ARHGAP23: variants seen among roughly 807,000 people sequenced by gnomAD.
The protein encoded by ARHGAP23 is Rho GTPase activating protein 23, also known as rho GTPase-activating protein 23.
In ARHGAP23, 34 loss-of-function variants were observed where a neutral mutation model predicts 136.3. The observed-to-expected ratio is 0.25, with a 90% CI of 0.19 to 0.33. The LOEUF (loss-of-function observed/expected upper bound fraction) is 0.33, where lower values mean the gene tolerates loss of function less well. Ranked by LOEUF, ARHGAP23 falls within the 10% of genes least tolerant of loss-of-function variation. The pLI is 1.00. For missense variants in ARHGAP23, 1,808 were observed against 2,139.0 expected, an observed-to-expected ratio of 0.85 and a Z score of 3.05; for synonymous variants, 832 against 920.5, an observed-to-expected ratio of 0.90 and a Z score of 1.74.
intron 6 of ARHGAP23, among the ~76,000 whole-genome samples, chr17:38,464,949 A>T (rs2039550250): frequency 2.0e-5 from 3 of 151,898 alleles, no homozygotes; most frequent in Admixed American, 1.3e-4. Flanking sequence ...GCCCCTCCAC[A>T]CCCATCCTCT....
rs1205904485 is a variant in ARHGAP23 at position 38,512,193 on chromosome 17, A to G, written c.*1221A>G. On this transcript the variant is annotated 3_prime_UTR_variant, in exon 24 of 24. Coordinates refer to ENST00000622683, the MANE Select transcript of ARHGAP23 (RefSeq NM_001199417.2). ...AACATATTATAAAGAATTTATAAGG[A>G]TTTTTAAAGATGTTTTGCTCATTTA... 6.6e-6 allele frequency: 1 copy of G among 152,188 alleles called. No homozygotes were observed. The highest frequency in any genetic ancestry group is 2.4e-5 in the African/African-American group (1 of 41,432). 9.4% of individuals were successfully genotyped at this position (152,188 alleles called of 1,614,324 possible).
Position 38,482,290 on chromosome 17 carries a change from C to T in ARHGAP23, c.2751+147C>T, listed in dbSNP as rs1490750458. On this transcript the variant is annotated intron_variant, in intron 15 of 23. Transcript: ENST00000622683. The stretch of plus-strand genomic sequence containing the variant: ...AGCCCAGAGAGGGGAAGGCCCCCGC[C>T]TGCCCCGGGCCTCCCAGGGAGGGAG... 12 of 1,399,090 alleles carry T rather than the reference C, an allele frequency of 8.6e-6. No individual in the cohort carries two copies. The Admixed American group carries it at 1.4e-4, about 16-fold the overall frequency. The allele number at this position is 1,399,090 out of a possible 1,614,324, so 86.7% of individuals were successfully genotyped here.
intron 1 of ARHGAP23, chr17:38,451,385 C>G (rs1223221110): frequency 6.6e-6 from 1 of 152,252 alleles, no homozygotes; most frequent in Non-Finnish European, 1.5e-5. Context: ...TTTCCAAGGT[C>G]TCTGCAGTCT....
intron 6 of ARHGAP23, among the ~76,000 whole-genome samples, chr17:38,463,900 A>G (rs916240335): frequency 3.3e-5 from 5 of 152,104 alleles, no homozygotes; most frequent in African/African-American, 4.8e-5. Flanking sequence ...ATGCAGCACC[A>G]GGCACGTGCC....
At chr17:38,463,420 A>G in intron 6 of ARHGAP23, 38 bp downstream of exon 6, 1 of 1,550,260 alleles carries the variant, frequency 6.5e-7, no homozygotes, top group Non-Finnish European at 8.7e-7. Flanking sequence ...GAGACCCCTG[A>G]GCCCTGGGGC....
intron 23 of ARHGAP23, among the ~76,000 whole-genome samples, chr17:38,506,370 C>T (rs1440387202): frequency 3.3e-5 from 5 of 152,300 alleles, no homozygotes; most frequent in African/African-American, 9.6e-5. Context: ...AGACAGAACC[C>T]GTTAGGAGAT....
At chr17:38,421,824 G>A (rs1432119504) in intron 1 of ARHGAP23, among the ~76,000 whole-genome samples, 1 of 152,230 alleles carries the variant, frequency 6.6e-6, no homozygotes, top group African/African-American at 2.4e-5. Flanking sequence ...CCAGAGCTTC[G>A]ACGGGGAGGT....
At chr17:38,496,688 G>A (rs1035985318) in intron 20 of ARHGAP23, among the ~76,000 whole-genome samples, 1 of 151,984 alleles carries the variant, frequency 6.6e-6, no homozygotes, top group African/African-American at 2.4e-5. Flanking sequence ...ACAATCTGTG[G>A]TATGCCTGTA....
intron 16 of ARHGAP23, among the ~76,000 whole-genome samples, chr17:38,484,187 CAG>C (rs967678339): frequency 1.1e-4 from 16 of 151,808 alleles, no homozygotes; most frequent in South Asian, 4.2e-4. Context: ...TTGGTGGTCT[CAG>C]GGGAAGGGGG....
intron 16 of ARHGAP23, among the ~76,000 whole-genome samples, chr17:38,483,041 C>T (rs958086059): frequency 2.0e-5 from 3 of 151,466 alleles, no homozygotes; most frequent in Admixed American, 1.3e-4. Flanking sequence ...GGTGTAGACG[C>T]GGAAAGTGTG....
chr17:38,510,869 C>A lies in ARHGAP23; in HGVS notation c.4373C>A (p.Pro1458Gln). 1 of 1,499,236 alleles carries A rather than the reference C, an allele frequency of 6.7e-7. No homozygotes were observed. The highest frequency in any genetic ancestry group is 8.8e-7 in the Non-Finnish European group (1 of 1,131,698). The allele number at this position is 1,499,236 out of a possible 1,614,324, so 92.9% of individuals were successfully genotyped here. A position where few individuals can be genotyped will look rare whatever the true frequency, so the allele number is the denominator to read the frequency against. Residue 1458 changes from proline (P) to glutamine (Q), a missense_variant, in exon 24 of 24, where the codon CCG becomes CAG. This residue lies in a region of ARHGAP23 where 506 missense variants were observed against 455.8 expected (regional missense o/e 1.11). Transcript: ENST00000622683. This position sits in a 1 kb window ranked among gnomAD's most constrained non-coding sequence, Gnocchi z 4.6. Reference protein sequence around the residue: ...SSLESTKARAPSSAASQPPAP... With the variant: ...SSLESTKARAQSSAASQPPAP... ...CTGGAGTCCACCAAGGCGCGGGCCC[C>A]GTCGTCCGCTGCCTCGCAGCCGCCC...
intron 1 of ARHGAP23, among the ~76,000 whole-genome samples, chr17:38,437,734 G>A (rs2038830005): frequency 6.6e-6 from 1 of 151,636 alleles, no homozygotes. Flanking sequence ...CTCACCCAGG[G>A]AAGTTAGACC....
intron 1 of ARHGAP23, among the ~76,000 whole-genome samples, chr17:38,434,737 G>A (rs968166511): frequency 1.3e-5 from 2 of 152,252 alleles, no homozygotes; most frequent in East Asian, 3.8e-4. Flanking sequence ...TCTGACTTCT[G>A]TCTGGCTCTG....
chr17:38,449,481 C>T (rs1380374687), intron 1 of ARHGAP23, among the ~76,000 whole-genome samples: 1 of 152,206 alleles, frequency 6.6e-6, no homozygotes. Context: ...AGGCGGGAGT[C>T]TCTACCCAAG....
chr17:38,500,526 T>C (rs896983138), intron 22 of ARHGAP23, 71 bp from the exon 23 acceptor site: 2 of 1,358,478 alleles, frequency 1.5e-6, no homozygotes, highest in Non-Finnish European at 2.1e-6. Context: ...GAGAGGGAAT[T>C]GTGTGCATAA....
chr17:38,486,291 A>C (rs2040158554), intron 17 of ARHGAP23, among the ~76,000 whole-genome samples, 151 bp downstream of exon 17: 4 of 151,638 alleles, frequency 2.6e-5, no homozygotes, highest in Admixed American at 2.6e-4. Context: ...GCAGTGGCGC[A>C]ATCACGGCTC....
At chr17:38,439,645 G>A (rs374555834) in intron 1 of ARHGAP23, among the ~76,000 whole-genome samples, 19 of 152,230 alleles carry the variant, frequency 1.2e-4, no homozygotes, top group Non-Finnish European at 1.6e-4. Context: ...TCCCATGGGC[G>A]ATGGATTATC....
intron 16 of ARHGAP23, among the ~76,000 whole-genome samples, chr17:38,485,826 T>C (rs2040147471): frequency 6.6e-6 from 1 of 151,586 alleles, no homozygotes; most frequent in Non-Finnish European, 1.5e-5. Flanking sequence ...CATGGGGAGG[T>C]GTTGGAGCCC....
In ARHGAP23 at chr17:38,500,591, CA is replaced by C. The variant is rs1567828113; in HGVS notation, c.3416-4del. 3 of 1,548,780 alleles carry C rather than the reference CA, an allele frequency of 1.9e-6. No homozygotes were observed. Reference sequence around the variant, plus strand: ...TTTCATTTTTTTTTCTGTCTTTCACCAACAGATTCTACCACCTGTAGTTCAG... The same window carrying C: ...TTTCATTTTTTTTTCTGTCTTTCACCACAGATTCTACCACCTGTAGTTCAG... On this transcript the variant is annotated splice_region_variant and splice_polypyrimidine_tract_variant and intron_variant, in intron 22 of 23. Coordinates refer to ENST00000622683, the MANE Select transcript of ARHGAP23 (RefSeq NM_001199417.2).
Sources: gnomAD v4.1 joint callset for allele counts (sites outside exome capture counted in the v4.1 genomes callset) on GRCh38, gnomAD v4.1.1 for gene constraint, gnomAD v4.1.1 regional missense constraint, Gnocchi (gnomAD v3.1) non-coding constraint, MANE v1.5 for transcripts, NCBI Gene and HGNC (gene_info 2026-07-23, HGNC 2026-07-21) for gene names.